The following RELCH variants were observed in gnomAD, a reference collection of about 807,000 sequenced individuals.
RELCH encodes the protein RAB11-binding protein RELCH.
RELCH carries 41 observed loss-of-function variants against 150.3 expected under a neutral mutation model. The ratio of observed to expected loss-of-function variants is 0.27; its 90% CI spans 0.21 to 0.35. RELCH has a LOEUF of 0.35. Ranked by LOEUF, RELCH falls within the 10% of genes least tolerant of loss-of-function variation. The pLI is 1.00. For synonymous variants in RELCH, 478 were observed against 531.8 expected (o/e 0.90, Z 1.39); for missense variants, 1,092 against 1,467.8 (o/e 0.74, Z 4.18).
intron 1 of RELCH, among the ~76,000 whole-genome samples, chr18:62,194,899 AG>A (rs2038916451): frequency 1.3e-5 from 2 of 152,292 alleles, no homozygotes; most frequent in South Asian, 4.1e-4. Context: ...ATGATGTTTA[AG>A]AACAATGCAA....
At chr18:62,285,377 A>G (rs1372873729) in intron 25 of RELCH, 3 of 152,164 alleles carry the variant, frequency 2.0e-5, no homozygotes, top group South Asian at 2.1e-4. Context: ...TCCTTGTTCA[A>G]TCTGCCCTAA....
At chr18:62,202,037 A>C (rs1228334227) in intron 1 of RELCH, among the ~76,000 whole-genome samples, 1 of 152,204 alleles carries the variant, frequency 6.6e-6, no homozygotes, top group Non-Finnish European at 1.5e-5. Flanking sequence ...TTTAGTTCTC[A>C]GACTTGATAA....
rs145936814 is a variant in RELCH at position 62,287,444 on chromosome 18, C to G, written c.3347C>G (p.Ala1116Gly). ...GACATTGCTACGCATCTTTTTGAAG[C>G]CTACAGTGCACTTTCCTGTTGTTGT... ...RLDIATHLFE[A>G]YSALSCCFIS... Residue 1116 changes from alanine (A) to glycine (G), a missense_variant, in exon 26 of 29, where the codon GCC becomes GGC. This residue lies in a region of RELCH where 707 missense variants were observed against 1,025.4 expected (regional missense o/e 0.69). Coordinates refer to ENST00000644646, the MANE Select transcript of RELCH (RefSeq NM_001346231.2). 93 of 1,590,848 alleles carry G rather than the reference C, an allele frequency of 5.8e-5. 1 individual carries two copies. The East Asian group carries it at 1.3e-3, about 22-fold the overall frequency.
intron 23 of RELCH, 195 bp from the exon 24 acceptor site, chr18:62,280,451 C>T: frequency 1.2e-6 from 2 of 1,611,206 alleles, no homozygotes; most frequent in East Asian, 2.2e-5. Flanking sequence ...TTGTGAGTTT[C>T]ACAGACTGCG....
Position 62,291,613 on chromosome 18 carries a change from T to A in RELCH, c.3441T>A (p.His1147Gln). ...GLRCLRTDMEHLSPEHEVILS... is the reference protein window; with the variant it reads ...GLRCLRTDMEQLSPEHEVILS... ...GATGTTTACGGACTGACATGGAACA[T>A]CTCTCTCCAGAGCATGAGGTGAGCC... Residue 1147 changes from histidine (H) to glutamine (Q), a missense_variant, in exon 27 of 29, where the codon CAT (histidine) becomes CAA (glutamine). By Grantham distance (24) the His-to-Gln change is conservative (BLOSUM62 0). Transcript: ENST00000644646. 3 of 1,607,416 alleles carry A rather than the reference T, an allele frequency of 1.9e-6. No homozygotes were observed. The highest frequency in any genetic ancestry group is 2.6e-6 in the Non-Finnish European group (3 of 1,175,880).
chr18:62,226,208 A>G (rs2041208105), intron 5 of RELCH, among the ~76,000 whole-genome samples: 2 of 152,104 alleles, frequency 1.3e-5, no homozygotes, highest in South Asian at 2.1e-4. Flanking sequence ...AAAGGAAGAT[A>G]GAATGGTGAG....
chr18:62,273,642 G>A (rs1568416430), intron 20 of RELCH, among the ~76,000 whole-genome samples: 2 of 152,122 alleles, frequency 1.3e-5, no homozygotes, highest in African/African-American at 4.8e-5. Flanking sequence ...CACTTGCCAC[G>A]TGTGTCTATT....
Position 62,255,585 on chromosome 18 carries a change from C to A in RELCH, c.1896+107C>A, listed in dbSNP as rs188964702. The A allele has an allele frequency of 5.9e-4, 461 of 781,946 alleles. 5 individuals carry two copies. In the African/African-American group the frequency reaches 7.4e-3, roughly 13 times the overall value. The allele number at this position is 781,946 out of a possible 1,614,324, so 48.4% of individuals were successfully genotyped here. On this transcript the variant is annotated intron_variant, in intron 13 of 28. Transcript: ENST00000644646. ...TCCAAATGTCTCCTAGATGTGCTGTCTTAATAAAGAAAAGAGATGATCCAA... is the reference window on the plus strand; with the variant it reads ...TCCAAATGTCTCCTAGATGTGCTGTATTAATAAAGAAAAGAGATGATCCAA...
chr18:62,205,684 G>T (rs2148272483), intron 1 of RELCH, among the ~76,000 whole-genome samples: 1 of 152,276 alleles, frequency 6.6e-6, no homozygotes, highest in African/African-American at 2.4e-5. Context: ...GAAGAGTACT[G>T]TAATATTTGG....
intron 5 of RELCH, among the ~76,000 whole-genome samples, chr18:62,225,258 GA>G (rs538684793): frequency 1.3e-3 from 199 of 148,484 alleles, no homozygotes; most frequent in Middle Eastern, 6.9e-3. Flanking sequence ...AGGAAAACAG[GA>G]AAAAAAAAAT....
chr18:62,259,778 A>G (rs1276646751), intron 15 of RELCH, among the ~76,000 whole-genome samples: 1 of 152,020 alleles, frequency 6.6e-6, no homozygotes, highest in Non-Finnish European at 1.5e-5. Flanking sequence ...TATTGGCATA[A>G]AACAGACATA....
chr18:62,209,898 A>AT (rs1262485485), intron 1 of RELCH, among the ~76,000 whole-genome samples: 1 of 152,034 alleles, frequency 6.6e-6, no homozygotes, highest in Non-Finnish European at 1.5e-5. Context: ...CTTTGTTTTA[A>AT]TTTTGGATTG....
chr18:62,280,493 ATTC>A (rs560063447), intron 23 of RELCH, 150 bp from the exon 24 acceptor site: 6 of 1,535,936 alleles, frequency 3.9e-6, no homozygotes, highest in South Asian at 2.2e-5. Flanking sequence ...CTTTTTGAGC[ATTC>A]TTCTTGGTCT....
At chr18:62,216,203 G>A (rs947225917) in intron 2 of RELCH, among the ~76,000 whole-genome samples, 7 of 151,904 alleles carry the variant, frequency 4.6e-5, no homozygotes, top group African/African-American at 9.7e-5. Flanking sequence ...CATCTGCTAC[G>A]TGTTAGGTAC....
chr18:62,277,719 G>C, intron 22 of RELCH: 1 of 947,814 alleles, frequency 1.1e-6, no homozygotes, highest in Non-Finnish European at 1.3e-6. Context: ...CAAAAAGAGG[G>C]AACCCAATCA....
intron 2 of RELCH, 67 bp downstream of exon 2, chr18:62,211,309 A>T (rs1347009732): frequency 1.0e-6 from 1 of 993,132 alleles, no homozygotes; most frequent in Admixed American, 1.8e-5. Context: ...TGGCTTGAGG[A>T]ATTTTTTTCC....
At chr18:62,231,365 C>A in intron 9 of RELCH, 96 bp downstream of exon 9, 1 of 716,674 alleles carries the variant, frequency 1.4e-6, no homozygotes, top group South Asian at 1.8e-5. Context: ...TGTGATAAGA[C>A]TGTATTTCAA....
At chr18:62,297,282 GT>G (rs963912172) in intron 27 of RELCH, among the ~76,000 whole-genome samples, 3 of 152,134 alleles carry the variant, frequency 2.0e-5, no homozygotes, top group Non-Finnish European at 4.4e-5. Flanking sequence ...AGAAAGTTAG[GT>G]TTTTGCCAGA....
chr18:62,223,765 G>A (rs74666801), intron 5 of RELCH, among the ~76,000 whole-genome samples: 13,140 of 152,078 alleles, frequency 0.086, 648 homozygotes, highest in Middle Eastern at 0.17. Flanking sequence ...ATATAAGGTT[G>A]AGTTCATATC....
Sources: gnomAD v4.1 joint callset for allele counts (sites outside exome capture counted in the v4.1 genomes callset) on GRCh38, gnomAD v4.1.1 for gene constraint, gnomAD v4.1.1 regional missense constraint, MANE v1.5 for transcripts, NCBI Gene and HGNC (gene_info 2026-07-23, HGNC 2026-07-21) for gene names.